The following FHIT variants were observed in gnomAD, a reference collection of about 807,000 sequenced individuals.
FHIT encodes bis(5'-adenosyl)-triphosphatase.
A neutral mutation model predicts 17.9 loss-of-function variants in FHIT; 19 were observed. That is an observed-to-expected ratio of 1.06 (90% CI 0.74 to 1.56). FHIT has a LOEUF of 1.56. Among genes scored for constraint, FHIT ranks in the 40% most tolerant of loss-of-function variants. The pLI is 0.00. For synonymous variants in FHIT, 81 were observed against 69.7 expected (o/e 1.16, Z -0.81); for missense variants, 248 against 189.2 (o/e 1.31, Z -1.82).
At chr3:61,006,606 C>CTT (rs59158084) in intron 3 of FHIT, among the ~76,000 whole-genome samples, 2 of 145,928 alleles carry the variant, frequency 1.4e-5, no homozygotes, top group South Asian at 2.2e-4. Context: ...AAAACATATT[C>CTT]TTTTTTTTTT....
intron 5 of FHIT, among the ~76,000 whole-genome samples, chr3:60,269,835 C>A (rs993306883): frequency 3.3e-5 from 5 of 152,182 alleles, no homozygotes; most frequent in African/African-American, 1.2e-4. Context: ...AAATGTCTAA[C>A]TTCATTTTAA....
intron 2 of FHIT, among the ~76,000 whole-genome samples, chr3:61,108,183 T>C (rs2036047642): frequency 6.6e-6 from 1 of 152,204 alleles, no homozygotes; most frequent in Admixed American, 6.5e-5. Context: ...TCTCTTATTA[T>C]TATCATCTTC....
In FHIT at chr3:60,325,965, G is replaced by T. The variant is rs958435789; in HGVS notation, c.103+210895C>A. Among the ~76,000 whole-genome samples the T allele has an allele frequency of 2.6e-5, 4 of 152,122 alleles. No individual in the cohort carries two copies. In the South Asian group the frequency reaches 8.3e-4, roughly 32 times the overall value. On this transcript the variant is annotated intron_variant, in intron 5 of 9. Coordinates refer to ENST00000492590, the MANE Select transcript of FHIT (RefSeq NM_002012.4). ...CTACTTAATTTCCGCATTCAAAGGG[G>T]AACATGATGCAAATACTATCAAGCG...
intron 5 of FHIT, among the ~76,000 whole-genome samples, chr3:60,179,119 G>C (rs1701810053): frequency 6.6e-6 from 1 of 152,150 alleles, no homozygotes; most frequent in Non-Finnish European, 1.5e-5. Flanking sequence ...AGTGAGAAAA[G>C]AATGGTATTT....
At position 60,829,240 on chromosome 3, in the gene FHIT, C is replaced by T. The variant is rs1353820417; in HGVS notation, c.-110-7229G>A. The stretch of plus-strand genomic sequence containing the variant: ...AACACCTACTACTATGTTTGAAAAC[C>T]ACACCAAAGTCAATATTTACTTTGT... On this transcript the variant is annotated intron_variant, in intron 3 of 9. Transcript: ENST00000492590. 3.3e-5 allele frequency among the ~76,000 whole-genome samples: 5 copies of T among 152,186 alleles called. 1 individual carries two copies. Among genetic ancestry groups the T allele is most frequent in the South Asian group, 4.1e-4 (2 of 4,834 alleles).
intron 7 of FHIT, among the ~76,000 whole-genome samples, chr3:59,963,193 G>A (rs1348592811): frequency 6.6e-6 from 1 of 151,358 alleles, no homozygotes; most frequent in Non-Finnish European, 1.5e-5. Flanking sequence ...CGTGAACCCA[G>A]GAGGTGGAGT....
chr3:61,171,495 T>C (rs2038002961), intron 2 of FHIT, among the ~76,000 whole-genome samples: 1 of 152,140 alleles, frequency 6.6e-6, no homozygotes, highest in Admixed American at 6.6e-5. Context: ...AATTTGAAAA[T>C]ATACCAACTA....
chr3:60,460,754 A>C (rs140047195), intron 5 of FHIT, among the ~76,000 whole-genome samples: 29 of 152,324 alleles, frequency 1.9e-4, no homozygotes, highest in African/African-American at 6.3e-4. Context: ...TTTCAGATTC[A>C]TTGGAATTCT....
chr3:60,566,684 T>C (rs938637495), intron 4 of FHIT, among the ~76,000 whole-genome samples: 6 of 152,156 alleles, frequency 3.9e-5, no homozygotes, highest in Non-Finnish European at 5.9e-5. Flanking sequence ...TGTTTGCAGA[T>C]GACATGATTG....
intron 7 of FHIT, among the ~76,000 whole-genome samples, chr3:59,956,683 A>C (rs1179485236): frequency 6.6e-6 from 1 of 152,136 alleles, no homozygotes; most frequent in Non-Finnish European, 1.5e-5. Flanking sequence ...AAAAAAAGAC[A>C]ATCTCCTTAG....
chr3:60,263,241 T>G (rs1410524649), intron 5 of FHIT, among the ~76,000 whole-genome samples: 1 of 151,980 alleles, frequency 6.6e-6, no homozygotes, highest in Non-Finnish European at 1.5e-5. Flanking sequence ...TTCCAAATGT[T>G]GATGGTAGAG....
chr3:61,059,356 T>C (rs2034341954), intron 2 of FHIT, among the ~76,000 whole-genome samples: 2 of 149,326 alleles, frequency 1.3e-5, no homozygotes, highest in Non-Finnish European at 3.0e-5. Flanking sequence ...ATGTGGCTTT[T>C]TTTCTTTGCT....
chr3:59,928,508 T>C (rs1484903167), intron 7 of FHIT, among the ~76,000 whole-genome samples: 2 of 152,158 alleles, frequency 1.3e-5, no homozygotes, highest in East Asian at 1.9e-4. Flanking sequence ...AAGGGAAGTA[T>C]ATCTAAAATA....
intron 3 of FHIT, among the ~76,000 whole-genome samples, chr3:60,848,680 A>G (rs938787794): frequency 1.3e-5 from 2 of 152,188 alleles, no homozygotes; most frequent in South Asian, 4.1e-4. Context: ...GAATATAGAT[A>G]CTTACCTCAC....
At chr3:60,806,068 G>A (rs1445651614) in intron 4 of FHIT, among the ~76,000 whole-genome samples, 1 of 152,194 alleles carries the variant, frequency 6.6e-6, no homozygotes. Context: ...TGCTCCTTAA[G>A]TCCTGGCATC....
chr3:60,995,117 G>A (rs1186773817), intron 3 of FHIT, among the ~76,000 whole-genome samples: 1 of 152,046 alleles, frequency 6.6e-6, no homozygotes, highest in Non-Finnish European at 1.5e-5. Context: ...TCAGGAGATC[G>A]AGACCATCCT....
Position 60,525,166 on chromosome 3 carries a change from A to C in FHIT, c.103+11694T>G, listed in dbSNP as rs114041580. ...AGGATCACTCCGGCTGCTGCCATGC[A>C]AAAAAGTTCCAATAGCATTTAATCC... On this transcript the variant is annotated intron_variant, in intron 5 of 9. Coordinates refer to ENST00000492590, the MANE Select transcript of FHIT (RefSeq NM_002012.4). Among the ~76,000 whole-genome samples, 731 of 152,288 alleles carry C rather than the reference A, an allele frequency of 4.8e-3. 7 individuals are homozygous for C. The highest frequency in any genetic ancestry group is 0.016 in the African/African-American group (678 of 41,570).
chr3:59,954,221 G>GC (rs1553633305), intron 7 of FHIT, among the ~76,000 whole-genome samples: 22 of 120,966 alleles, frequency 1.8e-4, no homozygotes, highest in African/African-American at 6.9e-4. Flanking sequence ...ATTTTGTTCT[G>GC]TTTTTTTTTC....
chr3:60,924,704 C>T (rs542147027), intron 3 of FHIT, among the ~76,000 whole-genome samples: 22 of 152,178 alleles, frequency 1.4e-4, no homozygotes, highest in Middle Eastern at 6.8e-3. Context: ...CAAAGCTGGA[C>T]GGAGAATGAC....
Sources: allele counts gnomAD v4.1 joint callset (sites outside exome capture counted in the v4.1 genomes callset), GRCh38; gene constraint gnomAD v4.1.1; transcripts MANE v1.5; gene names NCBI Gene and HGNC (gene_info 2026-07-23, HGNC 2026-07-21).